The following GK5 variants were observed in gnomAD, a reference collection of about 807,000 sequenced individuals.
GK5 encodes glycerol kinase 5.
GK5 carries 39 observed loss-of-function variants against 77.3 expected under a neutral mutation model. The ratio of observed to expected loss-of-function variants is 0.50; its 90% CI spans 0.39 to 0.66. The LOEUF (loss-of-function observed/expected upper bound fraction) is 0.66. GK5 is among the 30% of genes least tolerant of loss of function. The pLI is 0.00. For missense variants in GK5, 487 were observed against 633.8 expected (o/e 0.77, Z 2.49); for synonymous variants, 211 against 208.0 (o/e 1.01, Z -0.13).
At chr3:142,193,197 G>A (rs2063879049) in intron 5 of GK5, among the ~76,000 whole-genome samples, 1 of 152,122 alleles carries the variant, frequency 6.6e-6, no homozygotes, top group Admixed American at 6.6e-5. Context: ...AAGGGCATAT[G>A]GAAACTATAT....
At chr3:142,222,426 T>C (rs1442467049) in intron 1 of GK5, among the ~76,000 whole-genome samples, 1 of 151,960 alleles carries the variant, frequency 6.6e-6, no homozygotes, top group Non-Finnish European at 1.5e-5. Flanking sequence ...TTAGCCAGGC[T>C]TGGTGGCGGG....
At chr3:142,204,930 C>T in intron 3 of GK5, 142 bp from the exon 4 acceptor site, 1 of 599,444 alleles carries the variant, frequency 1.7e-6, no homozygotes, top group Non-Finnish European at 3.0e-6. Flanking sequence ...TGAATGATTT[C>T]TTCTTGATTT....
intron 5 of GK5, among the ~76,000 whole-genome samples, chr3:142,190,711 G>C (rs1254449406): frequency 1.3e-5 from 2 of 152,082 alleles, no homozygotes; most frequent in Non-Finnish European, 2.9e-5. Context: ...AAGTACAAAG[G>C]ATAGCACCCC....
At chr3:142,199,202 C>T (rs574093857) in intron 4 of GK5, among the ~76,000 whole-genome samples, 1 of 151,664 alleles carries the variant, frequency 6.6e-6, no homozygotes, top group Non-Finnish European at 1.5e-5. Context: ...TAAAAAAAAA[C>T]AACTATATTT....
intron 15 of GK5, among the ~76,000 whole-genome samples, chr3:142,169,669 CTTTTTTTTTTT>C (rs71304258): frequency 8.6e-6 from 1 of 116,932 alleles, no homozygotes; most frequent in Non-Finnish European, 1.8e-5. Context: ...CCTTACTGTT[CTTTTTTTTTTT>C]TTTTTTTTTG....
chr3:142,200,067 T>G (rs1422771751), intron 4 of GK5, among the ~76,000 whole-genome samples: 1 of 151,864 alleles, frequency 6.6e-6, no homozygotes, highest in African/African-American at 2.4e-5. Context: ...TCTTATTCAG[T>G]GCTCACACCT....
Position 142,165,577 on chromosome 3 carries a change from G to A in GK5, c.*45C>T, listed in dbSNP as rs774988295. 20 of 1,483,658 alleles carry A rather than the reference G, an allele frequency of 1.3e-5. No individual in the cohort carries two copies. Among genetic ancestry groups the A allele is most frequent in the East Asian group, 4.8e-5 (2 of 41,498 alleles). The allele number at this position is 1,483,658 out of a possible 1,614,324, so 91.9% of individuals were successfully genotyped here. On this transcript the variant is annotated 3_prime_UTR_variant, in exon 16 of 16. Coordinates refer to ENST00000392993, the MANE Select transcript of GK5 (RefSeq NM_001039547.3). ...TCCCTGAGCTTCATCTCATCTGCAC[G>A]TCACATAAACCAGCTACCTATGGTT...
At chr3:142,212,463 G>A (rs7618826) in intron 3 of GK5, among the ~76,000 whole-genome samples, 38,642 of 151,952 alleles carry the variant, frequency 0.25, 5,611 homozygotes, top group African/African-American at 0.4. Flanking sequence ...CTGAGCCTGG[G>A]AAGTTGAGGC....
chr3:142,191,910 T>C (rs190431057), intron 5 of GK5, among the ~76,000 whole-genome samples: 5 of 152,022 alleles, frequency 3.3e-5, no homozygotes, highest in African/African-American at 1.2e-4. Context: ...GGCAGGAAGC[T>C]CACTTGAGCC....
chr3:142,187,105 C>A lies in GK5; in HGVS notation c.620-592G>T, dbSNP rs145071348. On this transcript the variant is annotated intron_variant, in intron 6 of 15. Transcript: ENST00000392993. Reference sequence around the variant, plus strand: ...TGTCACCCATAGTTATACCCACTAGCAAAATGGCAGATTTGTTACTGAACT... The same window carrying A: ...TGTCACCCATAGTTATACCCACTAGAAAAATGGCAGATTTGTTACTGAACT... Among the ~76,000 whole-genome samples, 567 of 152,234 alleles carry A rather than the reference C, an allele frequency of 3.7e-3. 1 individual carries two copies. Among genetic ancestry groups the A allele is most frequent in the African/African-American group, 0.013 (549 of 41,540 alleles).
Position 142,175,414 on chromosome 3 carries a change from C to T in GK5, c.1143+2068G>A, listed in dbSNP as rs144548533. 7.7e-4 allele frequency among the ~76,000 whole-genome samples: 117 copies of T among 152,224 alleles called. No homozygotes were observed. The Middle Eastern group carries it at 0.014, about 18-fold the overall frequency. Reference sequence around the variant, plus strand: ...TTTGAGAAAATGAGACTATTAGGGGCCTTCAACATCCAGATCCCAATTATC... The same window carrying T: ...TTTGAGAAAATGAGACTATTAGGGGTCTTCAACATCCAGATCCCAATTATC... On this transcript the variant is annotated intron_variant, in intron 12 of 15. Transcript: ENST00000392993.
At chr3:142,180,710 A>G (rs1055909491) in intron 11 of GK5, among the ~76,000 whole-genome samples, 2 of 152,068 alleles carry the variant, frequency 1.3e-5, no homozygotes, top group Non-Finnish European at 2.9e-5. Context: ...GGGAGGTAGA[A>G]GTAGTAGCAG....
intron 2 of GK5, 93 bp downstream of exon 2, chr3:142,215,506 T>A: frequency 1.5e-6 from 1 of 659,720 alleles, no homozygotes; most frequent in South Asian, 2.0e-5. Context: ...TATATATGTA[T>A]AACTTAGGAA....
At chr3:142,175,114 G>A (rs2063590276) in intron 12 of GK5, among the ~76,000 whole-genome samples, 1 of 152,220 alleles carries the variant, frequency 6.6e-6, no homozygotes, top group Non-Finnish European at 1.5e-5. Flanking sequence ...TCAAGAGTAT[G>A]TGGACAAACA....
chr3:142,174,889 A>G (rs2063587486), intron 12 of GK5, among the ~76,000 whole-genome samples: 1 of 152,238 alleles, frequency 6.6e-6, no homozygotes, highest in Non-Finnish European at 1.5e-5. Flanking sequence ...AGCTAAAAGG[A>G]TGCATAAGGT....
chr3:142,202,415 A>T (rs948599509), intron 4 of GK5, among the ~76,000 whole-genome samples: 1 of 152,114 alleles, frequency 6.6e-6, no homozygotes, highest in Non-Finnish European at 1.5e-5. Flanking sequence ...TGGCAAAAAC[A>T]CTCTAAACAT....
rs778341858 is a variant in GK5, at chr3:142,172,335, T to C, written c.1247+18A>G. ...AATATTCTATGGGGAAGGGGAAGTT[T>C]AGGGCAGGTTTTCATACCTGAAAGC... is the stretch of plus-strand genomic sequence containing the variant. On this transcript the variant is annotated intron_variant, in intron 13 of 15. Coordinates refer to ENST00000392993, the MANE Select transcript of GK5 (RefSeq NM_001039547.3). The C allele has an allele frequency of 7.9e-7, 1 of 1,265,328 alleles. No individual in the cohort carries two copies. The highest frequency in any genetic ancestry group is 1.1e-6 in the Non-Finnish European group (1 of 875,132). 78.4% of individuals were successfully genotyped at this position (1,265,328 alleles called of 1,614,324 possible).
chr3:142,169,017 TA>T, intron 15 of GK5, among the ~76,000 whole-genome samples: 1 of 152,292 alleles, frequency 6.6e-6, no homozygotes, highest in East Asian at 1.9e-4. Context: ...ACTTGCTTAT[TA>T]ACACTGTCAC....
At chr3:142,203,645 A>G (rs951133483) in intron 4 of GK5, among the ~76,000 whole-genome samples, 8 of 152,128 alleles carry the variant, frequency 5.3e-5, no homozygotes, top group African/African-American at 1.7e-4. Flanking sequence ...GTGGTGGCAT[A>G]TGCTTGTAGT....
Sources: allele counts gnomAD v4.1 joint callset (sites outside exome capture counted in the v4.1 genomes callset), GRCh38; gene constraint gnomAD v4.1.1; transcripts MANE v1.5; gene names NCBI Gene and HGNC (gene_info 2026-07-23, HGNC 2026-07-21).